MGAT4C: variants seen among roughly 807,000 people sequenced by gnomAD.
MGAT4C encodes MGAT4 family member C.
A neutral mutation model predicts 40.1 loss-of-function variants in MGAT4C; 19 were observed. That is an observed-to-expected ratio of 0.47 (90% CI 0.33 to 0.70). The LOEUF is 0.70. Among genes scored for constraint, MGAT4C ranks in the 30% least tolerant of loss-of-function variants. The pLI, the probability that MGAT4C is intolerant of heterozygous loss-of-function variation, is 0.02. For missense variants in MGAT4C, 491 were observed against 563.2 expected (o/e 0.87, Z 1.30); for synonymous variants, 181 against 187.1 (o/e 0.97, Z 0.27).
chr12:86,099,504 A>G (rs1874562480), intron 1 of MGAT4C, among the ~76,000 whole-genome samples: 1 of 151,482 alleles, frequency 6.6e-6, no homozygotes, highest in South Asian at 2.1e-4. Context: ...ACAAATTTAC[A>G]AGAAAGAAAC....
intron 1 of MGAT4C, among the ~76,000 whole-genome samples, chr12:86,055,514 T>C (rs1262790089): frequency 6.6e-6 from 1 of 152,034 alleles, no homozygotes; most frequent in African/African-American, 2.4e-5. Context: ...ATGTTGAGGA[T>C]GATGGAGCTT....
rs1884185626 is a variant in MGAT4C, at chr12:85,978,631, T to C, written c.*658A>G. On this transcript the variant is annotated 3_prime_UTR_variant, in exon 5 of 5. Transcript: ENST00000611864. ...GAAAAAGACTGCTTCCCCCAGAAAA[T>C]TTATCAACAATAGGTGCTCAATTAA... is the stretch of plus-strand genomic sequence containing the variant. 1.3e-5 allele frequency: 2 copies of C among 151,780 alleles called. No individual in the cohort carries two copies. Among genetic ancestry groups the C allele is most frequent in the African/African-American group, 4.8e-5 (2 of 41,324 alleles). 9.4% of individuals were successfully genotyped at this position (151,780 alleles called of 1,614,324 possible). A position where few individuals can be genotyped will look rare whatever the true frequency, so the allele number is the denominator to read the frequency against.
At chr12:86,321,332 T>C (rs1169675278) in intron 4 of MGAT4C, among the ~76,000 whole-genome samples, 1 of 152,216 alleles carries the variant, frequency 6.6e-6, no homozygotes, top group Non-Finnish European at 1.5e-5. Flanking sequence ...TATCCTTGTA[T>C]TTCTATCTCT....
chr12:86,187,102 C>G (rs1391904899), intron 1 of MGAT4C, among the ~76,000 whole-genome samples: 3 of 152,032 alleles, frequency 2.0e-5, no homozygotes, highest in East Asian at 1.9e-4. Context: ...CTATACGAGG[C>G]TTTTACACTA....
chr12:86,654,838 G>A (rs1963802145), intron 2 of MGAT4C, among the ~76,000 whole-genome samples: 1 of 151,728 alleles, frequency 6.6e-6, no homozygotes, highest in African/African-American at 2.4e-5. Flanking sequence ...ATAGGAAAAT[G>A]CGGGGGATAA....
chr12:86,603,990 A>T (rs1961949287), intron 2 of MGAT4C, among the ~76,000 whole-genome samples: 1 of 151,686 alleles, frequency 6.6e-6, no homozygotes, highest in East Asian at 1.9e-4. Flanking sequence ...GATATTATAC[A>T]TTACAACTAT....
intron 2 of MGAT4C, among the ~76,000 whole-genome samples, chr12:86,636,123 C>A (rs1963212988): frequency 6.6e-6 from 1 of 152,086 alleles, no homozygotes; most frequent in Non-Finnish European, 1.5e-5. Flanking sequence ...TGGTGTGTAG[C>A]AGGCTAGTAC....
At chr12:86,702,970 G>A (rs1335898515) in intron 2 of MGAT4C, among the ~76,000 whole-genome samples, 1 of 152,130 alleles carries the variant, frequency 6.6e-6, no homozygotes, top group African/African-American at 2.4e-5. Flanking sequence ...GTGAATGGAG[G>A]TCAAAATATA....
At chr12:86,531,121 T>C (rs1174340902) in intron 2 of MGAT4C, among the ~76,000 whole-genome samples, 6 of 152,094 alleles carry the variant, frequency 3.9e-5, no homozygotes, top group Non-Finnish European at 8.8e-5. Flanking sequence ...CAACAAATTT[T>C]ATCTTTGTAC....
At chr12:86,534,028 T>A (rs1959030023) in intron 2 of MGAT4C, among the ~76,000 whole-genome samples, 1 of 152,110 alleles carries the variant, frequency 6.6e-6, no homozygotes, top group Non-Finnish European at 1.5e-5. Context: ...TCAAAATATA[T>A]TTCATTGATA....
At chr12:86,388,291 A>G (rs1241646146) in intron 3 of MGAT4C, among the ~76,000 whole-genome samples, 4 of 152,200 alleles carry the variant, frequency 2.6e-5, no homozygotes. Flanking sequence ...GTGATAAACA[A>G]GTACCAACTG....
rs912966673 is a variant in MGAT4C at position 86,032,504 on chromosome 12, C to T, written c.-7+17170G>A. Among the ~76,000 whole-genome samples the T allele has an allele frequency of 6.0e-5, 9 of 149,798 alleles. 1 individual carries two copies. Among genetic ancestry groups the T allele is most frequent in the Admixed American group, 5.4e-4 (8 of 14,928 alleles). On this transcript the variant is annotated intron_variant, in intron 2 of 4. Coordinates refer to ENST00000611864, the MANE Select transcript of MGAT4C (RefSeq NM_001351288.2). ...CATTGTGAGGTTGATTTGCATTTCT[C>T]CAATTATTAGTAATGTTGAGCATTT...
intron 2 of MGAT4C, among the ~76,000 whole-genome samples, chr12:86,552,458 C>T (rs1205472356): frequency 6.6e-6 from 1 of 151,908 alleles, no homozygotes; most frequent in Non-Finnish European, 1.5e-5. Context: ...GTGTTCTATG[C>T]CATTGTAGAT....
chr12:86,452,389 T>A (rs1957439084), intron 2 of MGAT4C, among the ~76,000 whole-genome samples: 1 of 151,550 alleles, frequency 6.6e-6, no homozygotes, highest in African/African-American at 2.4e-5. Flanking sequence ...TGTGTGATGT[T>A]CCCCTTTAAC....
At chr12:86,554,697 A>G (rs1441721924) in intron 2 of MGAT4C, among the ~76,000 whole-genome samples, 2 of 152,234 alleles carry the variant, frequency 1.3e-5, no homozygotes, top group Non-Finnish European at 2.9e-5. Context: ...TCTTACTGCC[A>G]GATATCTCTA....
At chr12:86,016,494 T>C (rs948693065) in intron 2 of MGAT4C, 1 of 152,200 alleles carries the variant, frequency 6.6e-6, no homozygotes, top group Non-Finnish European at 1.5e-5. Flanking sequence ...TGTGCCTGAA[T>C]GTGTCTCCCG....
intron 2 of MGAT4C, among the ~76,000 whole-genome samples, chr12:86,480,115 GAC>G (rs1198737548): frequency 6.6e-6 from 1 of 151,600 alleles, no homozygotes; most frequent in Non-Finnish European, 1.5e-5. Context: ...TTATTTGGAA[GAC>G]ACAGTCATAT....
At position 85,961,264 on chromosome 12, in the gene MGAT4C, A is replaced by G. The variant is rs1190405609; in HGVS notation, c.*18025T>C. ...AGCCTCGAAACACTGAACTTTTTAC[A>G]GTCTTATTGGAGAGAAAAACACATT... On this transcript the variant is annotated 3_prime_UTR_variant, in exon 5 of 5. Transcript: ENST00000611864. 6.6e-6 allele frequency: 1 copy of G among 151,840 alleles called. No homozygotes were observed. The highest frequency in any genetic ancestry group is 1.5e-5 in the Non-Finnish European group (1 of 67,798). 9.4% of individuals were successfully genotyped at this position (151,840 alleles called of 1,614,324 possible).
rs1871714879 is a variant in MGAT4C at position 86,085,820 on chromosome 12, C to A, written c.-56-36097G>T. ...GTAATCACTGGTCATTAGAGAAATGCAAAGCAAAACCACAATGAGATACCA... is the reference window on the plus strand; with the variant it reads ...GTAATCACTGGTCATTAGAGAAATGAAAAGCAAAACCACAATGAGATACCA... On this transcript the variant is annotated intron_variant, in intron 1 of 4. Transcript: ENST00000611864. 3.3e-5 allele frequency among the ~76,000 whole-genome samples: 5 copies of A among 152,130 alleles called. No homozygotes were observed. The South Asian group carries it at 1.0e-3, about 32-fold the overall frequency.
Sources: gnomAD v4.1 joint callset for allele counts (sites outside exome capture counted in the v4.1 genomes callset) on GRCh38, gnomAD v4.1.1 for gene constraint, MANE v1.5 for transcripts, NCBI Gene and HGNC (gene_info 2026-07-23, HGNC 2026-07-21) for gene names.